PGM3: variants seen among roughly 807,000 people sequenced by gnomAD.
The protein encoded by PGM3 is phosphoglucomutase 3, also known as phosphoacetylglucosamine mutase.
A neutral mutation model predicts 66.2 loss-of-function variants in PGM3; 40 were observed. That is an observed-to-expected ratio of 0.60 (90% CI 0.47 to 0.79). PGM3 has a LOEUF of 0.79. Ranked by LOEUF, PGM3 falls within the 30% of genes least tolerant of loss-of-function variation. The pLI is 0.00. For missense variants in PGM3, 537 were observed against 643.4 expected (o/e 0.83, Z 1.79); for synonymous variants, 191 against 224.2 (o/e 0.85, Z 1.32).
Position 83,168,562 on chromosome 6 carries a change from T to C in PGM3, c.*672A>G. The C allele has an allele frequency of 2.0e-6, 2 of 999,182 alleles. No individual in the cohort carries two copies. The highest frequency in any genetic ancestry group is 2.4e-6 in the Non-Finnish European group (2 of 838,774). 61.9% of individuals were successfully genotyped at this position (999,182 alleles called of 1,614,324 possible). ...GTTCTGGTATCAGAATGGTGTTCCT[T>C]CTCCATCAGAGGCTGGGAAACGTAT... On this transcript the variant is annotated 3_prime_UTR_variant, in exon 13 of 13. Coordinates refer to ENST00000513973, the MANE Select transcript of PGM3 (RefSeq NM_015599.3).
intron 1 of PGM3, 133 bp from the exon 2 acceptor site, chr6:83,191,147 A>G: frequency 6.7e-7 from 1 of 1,483,610 alleles, no homozygotes; most frequent in Non-Finnish European, 9.1e-7. Context: ...TGTTTGACAG[A>G]GCAATGGGCA....
At chr6:83,153,929 A>C in the PGM3 span, 1 of 1,613,724 alleles carries the variant, frequency 6.2e-7, no homozygotes, top group South Asian at 1.1e-5. Flanking sequence ...GCTTGTGTCC[A>C]GCTGCTCAGC....
intron 11 of PGM3, among the ~76,000 whole-genome samples, chr6:83,171,717 G>A (rs1012447382): frequency 6.6e-5 from 10 of 152,160 alleles, no homozygotes; most frequent in Admixed American, 2.0e-4. Flanking sequence ...TCAATCCCTT[G>A]ACCTCATGAT....
rs574085851 is a variant in PGM3, at chr6:83,165,948, A to G, written c.*3286T>C. 2.1e-4 allele frequency: 78 copies of G among 364,364 alleles called. No homozygotes were observed. Among genetic ancestry groups the G allele is most frequent in the Admixed American group, 5.4e-4 (19 of 34,984 alleles). The allele number at this position is 364,364 out of a possible 1,614,324, so 22.6% of individuals were successfully genotyped here. On this transcript the variant is annotated 3_prime_UTR_variant, in exon 13 of 13. Transcript: ENST00000513973. ...TGGATCAGACTGGCAGCAAACCACC[A>G]AACAATGACCATGACCATTTTTTGG...
chr6:83,168,135 A>G lies in PGM3; in HGVS notation c.*1099T>C, dbSNP rs1786305330. On this transcript the variant is annotated 3_prime_UTR_variant, in exon 13 of 13. Coordinates refer to ENST00000513973, the MANE Select transcript of PGM3 (RefSeq NM_015599.3). Reference sequence around the variant, plus strand: ...GCAAAAAATAGAAGAGATGGTAGAAAAAGATTTTCTGGAAGGGATGATAAA... The same window carrying G: ...GCAAAAAATAGAAGAGATGGTAGAAGAAGATTTTCTGGAAGGGATGATAAA... 6.2e-7 allele frequency: 1 copy of G among 1,612,850 alleles called. No homozygotes were observed. The highest frequency in any genetic ancestry group is 1.7e-5 in the Admixed American group (1 of 59,770).
chr6:83,168,410 T>C lies in PGM3; in HGVS notation c.*824A>G, dbSNP rs528442970. The stretch of plus-strand genomic sequence containing the variant: ...TATATATATACACATGTAAAGTCCA[T>C]TGTTTTTATTGTCCTGAGTTGTCTT... On this transcript the variant is annotated 3_prime_UTR_variant, in exon 13 of 13. Transcript: ENST00000513973. 5.5e-5 allele frequency: 66 copies of C among 1,209,728 alleles called. 2 individuals are homozygous for C. The South Asian group carries it at 1.6e-3, about 30-fold the overall frequency. 74.9% of individuals were successfully genotyped at this position (1,209,728 alleles called of 1,614,324 possible).
In PGM3 at chr6:83,170,490, C is replaced by G; in HGVS notation, c.1366-12G>C. ...CTCCTGTCTGCAACCTAAGTGCAAG[C>G]ATTTCATATTTGTTACTCTATTACA... On this transcript the variant is annotated splice_polypyrimidine_tract_variant and intron_variant, in intron 11 of 12. Coordinates refer to ENST00000513973, the MANE Select transcript of PGM3 (RefSeq NM_015599.3). 6.2e-7 allele frequency: 1 copy of G among 1,611,050 alleles called. No individual in the cohort carries two copies. Among genetic ancestry groups the G allele is most frequent in the East Asian group, 2.2e-5 (1 of 44,858 alleles).
At position 83,168,074 on chromosome 6, in the gene PGM3, A is replaced by C. The variant is rs1259273422; in HGVS notation, c.*1160T>G. ...ATGCCTTCCCTAATAAGGACATGAA[A>C]CTGGAGAACCACAAACCATGTTCCA... is the stretch of plus-strand genomic sequence containing the variant. On this transcript the variant is annotated 3_prime_UTR_variant, in exon 13 of 13. Transcript: ENST00000513973. The C allele has an allele frequency of 1.2e-6, 2 of 1,614,126 alleles. No individual in the cohort carries two copies. Among genetic ancestry groups the C allele is most frequent in the African/African-American group, 2.7e-5 (2 of 74,942 alleles).
chr6:83,162,806 A>G (rs1248701259), downstream of PGM3: 1 of 1,612,474 alleles, frequency 6.2e-7, no homozygotes, highest in Non-Finnish European at 8.5e-7. Context: ...ATGGGCCTTT[A>G]TTCCAGAAGC....
downstream of PGM3, chr6:83,160,024 T>A: frequency 6.7e-7 from 1 of 1,497,470 alleles, no homozygotes; most frequent in Non-Finnish European, 9.1e-7. Flanking sequence ...GTCACTGACA[T>A]CTATGACTAA....
chr6:83,157,119 A>G, downstream of PGM3: 2 of 1,537,698 alleles, frequency 1.3e-6, no homozygotes, highest in South Asian at 1.2e-5. Context: ...TGGACCGACA[A>G]TATAGAAAGT....
At chr6:83,152,100 C>T in the PGM3 span, 1 of 1,553,344 alleles carries the variant, frequency 6.4e-7, no homozygotes, top group African/African-American at 1.4e-5. Context: ...TTTTGCCTAG[C>T]ACTATAAGTA....
Position 83,173,861 on chromosome 6 carries a change from C to T in PGM3, c.1242+513G>A, listed in dbSNP as rs1435020730. Among the ~76,000 whole-genome samples, 12 of 152,200 alleles carry T rather than the reference C, an allele frequency of 7.9e-5. No homozygotes were observed. In the East Asian group the frequency reaches 9.7e-4, roughly 12 times the overall value. ...ACACCATGCTCCTGCCTCAGCCTCC[C>T]GAGTAGCTGGGACTACAGGTGCCCG... On this transcript the variant is annotated intron_variant, in intron 10 of 12. Coordinates refer to ENST00000513973, the MANE Select transcript of PGM3 (RefSeq NM_015599.3).
rs967841041 is a variant in PGM3 at position 83,171,885 on chromosome 6, A to G, written c.1365+52T>C. The G allele has an allele frequency of 6.7e-6, 9 of 1,350,656 alleles. No homozygotes were observed. In the East Asian group the frequency reaches 6.9e-5, roughly 10 times the overall value. 83.7% of individuals were successfully genotyped at this position (1,350,656 alleles called of 1,614,324 possible). A position where few individuals can be genotyped will look rare whatever the true frequency, so the allele number is the denominator to read the frequency against. ...GAGATATAATGAGAATTGGGATAAT[A>G]GGTTTTACTTAGCTAATATTCAAAA... On this transcript the variant is annotated intron_variant, in intron 11 of 12. Transcript: ENST00000513973.
downstream of PGM3, among the ~76,000 whole-genome samples, chr6:83,160,844 CTTT>C (rs1174262663): frequency 6.6e-6 from 1 of 151,946 alleles, no homozygotes; most frequent in Non-Finnish European, 1.5e-5. Flanking sequence ...AGCTTTTTCT[CTTT>C]TTTATTTGGA....
chr6:83,181,184 G>A (rs1788151089), intron 6 of PGM3, among the ~76,000 whole-genome samples: 1 of 152,160 alleles, frequency 6.6e-6, no homozygotes, highest in Non-Finnish European at 1.5e-5. Flanking sequence ...GCACTGAGTG[G>A]AAAACACTGA....
intron 6 of PGM3, 91 bp downstream of exon 6, chr6:83,181,645 A>G: frequency 1.2e-6 from 1 of 863,968 alleles, no homozygotes; most frequent in South Asian, 1.7e-5. Flanking sequence ...TAGCTGCAAG[A>G]TTCTTAACTC....
rs757265341 is a variant in PGM3 at position 83,167,851 on chromosome 6, G to C, written c.*1383C>G. 6.3e-7 allele frequency: 1 copy of C among 1,589,114 alleles called. No individual in the cohort carries two copies. Among genetic ancestry groups the C allele is most frequent in the Non-Finnish European group, 8.6e-7 (1 of 1,168,290 alleles). ...TTGTATTAATACCAGTTCACTTTTT[G>C]TTTTCTGCAGAAAAATCCAGAGGAA... On this transcript the variant is annotated 3_prime_UTR_variant, in exon 13 of 13. Transcript: ENST00000513973.
chr6:83,158,653 AT>A (rs749575766), downstream of PGM3: 16 of 1,460,326 alleles, frequency 1.1e-5, no homozygotes, highest in Admixed American at 1.8e-5. Context: ...ATTGTTGTCC[AT>A]TTTTTAATAC....
Sources: gnomAD v4.1 joint callset for allele counts (sites outside exome capture counted in the v4.1 genomes callset) on GRCh38, gnomAD v4.1.1 for gene constraint, MANE v1.5 for transcripts, NCBI Gene and HGNC (gene_info 2026-07-23, HGNC 2026-07-21) for gene names.